Variants in HDAC9 observed in about 807,000 individuals in gnomAD.
The protein encoded by HDAC9 is histone deacetylase 9.
HDAC9 carries 41 observed loss-of-function variants against 139.4 expected under a neutral mutation model. The observed-to-expected ratio is 0.29, with a 90% CI of 0.23 to 0.38. The LOEUF is 0.38. Among genes scored for constraint, HDAC9 ranks in the 10% least tolerant of loss-of-function variants. The pLI is 1.00. For synonymous variants in HDAC9, 517 were observed against 476.2 expected (o/e 1.09, Z -1.12); for missense variants, 1,147 against 1,297.0 (o/e 0.88, Z 1.78).
Position 18,733,308 on chromosome 7 carries a change from A to AATGTATATATACAC in HDAC9, c.1909+5562_1909+5575dup, listed in dbSNP as rs1287342725. ...TATATATGTGTATATATGTGTATATAATGTATATATACACATGTATATATG... is the reference window on the plus strand; with the variant it reads ...TATATATGTGTATATATGTGTATATAATGTATATATACACATGTATATATACACATGTATATATG... On this transcript the variant is annotated intron_variant, in intron 13 of 25. Transcript: ENST00000686413. Among the ~76,000 whole-genome samples, 7 of 148,712 alleles carry AATGTATATATACAC rather than the reference A, an allele frequency of 4.7e-5. No individual in the cohort carries two copies. The East Asian group carries it at 1.2e-3, about 26-fold the overall frequency.
At chr7:18,765,269 A>G (rs1789729610) in intron 15 of HDAC9, among the ~76,000 whole-genome samples, 3 of 152,188 alleles carry the variant, frequency 2.0e-5, no homozygotes, top group Non-Finnish European at 4.4e-5. Context: ...TCTCCCAAGT[A>G]GGATACTTAT....
chr7:18,737,108 A>C (rs942316102), intron 13 of HDAC9, among the ~76,000 whole-genome samples: 1 of 151,778 alleles, frequency 6.6e-6, no homozygotes, highest in African/African-American at 2.4e-5. Context: ...TATTGCGTCT[A>C]TTTGATTCTT....
chr7:18,160,065 A>G (rs1277041741), intron 1 of HDAC9, among the ~76,000 whole-genome samples: 1 of 152,222 alleles, frequency 6.6e-6, no homozygotes, highest in South Asian at 2.1e-4. Flanking sequence ...GGAGAAGTTA[A>G]CTGCTGTTGA....
chr7:18,375,535 C>T (rs1012037303), intron 1 of HDAC9, among the ~76,000 whole-genome samples: 1 of 152,064 alleles, frequency 6.6e-6, no homozygotes, highest in African/African-American at 2.4e-5. Context: ...ATATGGTAGG[C>T]CCTTACTAAG....
intron 3 of HDAC9, among the ~76,000 whole-genome samples, chr7:18,587,409 T>G (rs1254987736): frequency 1.3e-5 from 2 of 152,230 alleles, no homozygotes; most frequent in Non-Finnish European, 2.9e-5. Flanking sequence ...TAATTAATAT[T>G]ACTTTTTCAG....
intron 1 of HDAC9, among the ~76,000 whole-genome samples, chr7:18,462,978 G>A (rs1793976667): frequency 6.6e-6 from 1 of 151,912 alleles, no homozygotes; most frequent in South Asian, 2.1e-4. Context: ...TAGTCCTACT[G>A]GTACTGTATG....
chr7:18,381,446 C>G (rs569829152), intron 1 of HDAC9, among the ~76,000 whole-genome samples: 1 of 151,592 alleles, frequency 6.6e-6, no homozygotes, highest in Non-Finnish European at 1.5e-5. Context: ...AAGAAAATCA[C>G]GGGAGATTTA....
rs118072740 is a variant in HDAC9 at position 18,112,419 on chromosome 7, C to T, written c.-97+25206C>T. Among the ~76,000 whole-genome samples the T allele has an allele frequency of 5.3e-3, 814 of 152,192 alleles. 6 individuals carry two copies. The highest frequency in any genetic ancestry group is 8.1e-3 in the Non-Finnish European group (548 of 67,988). ...TACATTGTGAATGGCACAAAAAAATCGAGGAAATGGTCTTTCGGTACTTGT... is the reference window on the plus strand; with the variant it reads ...TACATTGTGAATGGCACAAAAAAATTGAGGAAATGGTCTTTCGGTACTTGT... On this transcript the variant is annotated intron_variant, in intron 1 of 12. Coordinates refer to the HDAC9 transcript ENST00000417496.
intron 1 of HDAC9, among the ~76,000 whole-genome samples, chr7:18,395,432 G>A (rs1186430259): frequency 6.6e-6 from 1 of 151,792 alleles, no homozygotes; most frequent in African/African-American, 2.4e-5. Context: ...ATGCATGTAT[G>A]GGACTATCAT....
chr7:18,973,905 G>T (rs1312337720), intron 24 of HDAC9, among the ~76,000 whole-genome samples: 1 of 151,976 alleles, frequency 6.6e-6, no homozygotes, highest in Non-Finnish European at 1.5e-5. Flanking sequence ...CTCTCCAAAG[G>T]GATCTTTTAA....
chr7:18,287,910 A>G (rs140846116), upstream of HDAC9, among the ~76,000 whole-genome samples: 15 of 152,320 alleles, frequency 9.8e-5, no homozygotes, highest in East Asian at 1.2e-3. Flanking sequence ...TGCATTTTCA[A>G]CAATCCCTTT....
At chr7:18,194,881 T>C (rs900540479) in intron 2 of HDAC9, among the ~76,000 whole-genome samples, 5 of 152,096 alleles carry the variant, frequency 3.3e-5, no homozygotes, top group Admixed American at 6.6e-5. Flanking sequence ...GAATAGACAA[T>C]TCCAGGAAAT....
At chr7:18,835,636 A>G (rs1395532461) in intron 20 of HDAC9, 50 bp downstream of exon 20, 3 of 1,607,172 alleles carry the variant, frequency 1.9e-6, no homozygotes, top group Non-Finnish European at 2.6e-6. Context: ...CTTTCAGGTA[A>G]TTGCATTGCA....
At chr7:18,580,101 T>G (rs923186306) in intron 2 of HDAC9, among the ~76,000 whole-genome samples, 5 of 152,218 alleles carry the variant, frequency 3.3e-5, no homozygotes, top group African/African-American at 9.6e-5. Flanking sequence ...CTTAGTACTC[T>G]GAATGAACTC....
At chr7:18,803,912 C>A (rs901791123) in intron 17 of HDAC9, among the ~76,000 whole-genome samples, 1 of 152,138 alleles carries the variant, frequency 6.6e-6, no homozygotes, top group African/African-American at 2.4e-5. Flanking sequence ...TTAAAAAAAA[C>A]ATGTTTCAAG....
intron 16 of HDAC9, among the ~76,000 whole-genome samples, chr7:18,788,261 C>A (rs776656498): frequency 1.3e-5 from 2 of 152,146 alleles, no homozygotes; most frequent in Non-Finnish European, 2.9e-5. Flanking sequence ...TTTGGCTCCA[C>A]CCATAGTTAA....
At chr7:18,493,004 G>A (rs143403105), upstream of HDAC9, among the ~76,000 whole-genome samples, 5 of 151,984 alleles carry the variant, frequency 3.3e-5, no homozygotes, top group Admixed American at 6.6e-5. Flanking sequence ...GGGATGAAAC[G>A]TAAATAAACC....
At chr7:18,938,840 G>T (rs1438110902) in intron 23 of HDAC9, among the ~76,000 whole-genome samples, 1 of 152,132 alleles carries the variant, frequency 6.6e-6, no homozygotes, top group Non-Finnish European at 1.5e-5. Flanking sequence ...TTTAATTGGA[G>T]ACCAGAACGC....
At chr7:18,221,106 C>CTTTTT (rs537033538) in intron 2 of HDAC9, among the ~76,000 whole-genome samples, 1 of 139,690 alleles carries the variant, frequency 7.2e-6, no homozygotes, top group African/African-American at 2.7e-5. Context: ...ATTTCTATTC[C>CTTTTT]TTTTTTTTTT....
Sources: gnomAD v4.1 joint callset for allele counts (sites outside exome capture counted in the v4.1 genomes callset) on GRCh38, gnomAD v4.1.1 for gene constraint, MANE v1.5 for transcripts, NCBI Gene and HGNC (gene_info 2026-07-23, HGNC 2026-07-21) for gene names.